Variants in TM2D3 observed in about 807,000 individuals in gnomAD.
The protein encoded by TM2D3 is TM2 domain containing 3.
Under a neutral mutation model 27.3 loss-of-function variants are expected in TM2D3, and 33 were observed. That is an observed-to-expected ratio of 1.21 (90% CI 0.92 to 1.61). The LOEUF (loss-of-function observed/expected upper bound fraction) is 1.61. TM2D3 is among the 40% of genes most tolerant of loss of function. The pLI, the probability that TM2D3 is intolerant of heterozygous loss-of-function variation, is 0.00. For synonymous variants in TM2D3, 138 were observed against 122.2 expected (o/e 1.13, Z -0.85); for missense variants, 364 against 320.8 (o/e 1.13, Z -1.03).
chr15:101,642,637 G>C lies in TM2D3; in HGVS notation c.586C>G (p.Leu196Val), dbSNP rs776067366. The C allele has an allele frequency of 6.3e-7, 1 of 1,598,262 alleles. No homozygotes were observed. The highest frequency in any genetic ancestry group is 8.5e-7 in the Non-Finnish European group (1 of 1,171,234). The change falls in exon 6 of 6, where the codon CTC (leucine) becomes GTC (valine). Residue 196 changes from leucine (L) to valine (V), a missense_variant. Leu to Val is a conservative substitution (Grantham distance 32). Transcript: ENST00000333202. ...WSTALALSIT[L>V]GGFGADRFYL... ...AAACGGTCTGCTCCAAACCCACCGA[G>C]GGTGATGCTGCGATGGCAAACAGAC...
chr15:101,642,780 A>C, intron 5 of TM2D3, 136 bp from the exon 6 acceptor site: 1 of 572,104 alleles, frequency 1.7e-6, no homozygotes, highest in South Asian at 4.0e-5. Context: ...AACACAAGTG[A>C]CTATTTCACA....
chr15:101,645,194 G>A (rs752887554), intron 4 of TM2D3, 32 bp from the exon 5 acceptor site: 5 of 1,534,726 alleles, frequency 3.3e-6, no homozygotes, highest in South Asian at 2.4e-5. Context: ...AAAATACAGG[G>A]TATAAAAAAT....
Position 101,648,376 on chromosome 15 carries a change from A to G in TM2D3, c.328-1477T>C, listed in dbSNP as rs144202254. On this transcript the variant is annotated intron_variant, in intron 3 of 5. Coordinates refer to ENST00000333202, the MANE Select transcript of TM2D3 (RefSeq NM_078474.3). The stretch of plus-strand genomic sequence containing the variant: ...GAAAACATTCAAATATGGGTAAGGC[A>G]TCACTTGATTTAGGCAAACAGTTGG... 9.1e-3 allele frequency: 1,387 copies of G among 152,402 alleles called. 21 individuals are homozygous for G. Among genetic ancestry groups the G allele is most frequent in the South Asian group, 0.063 (303 of 4,834 alleles). The allele number at this position is 152,402 out of a possible 1,614,324, so 9.4% of individuals were successfully genotyped here.
chr15:101,641,347 C>T (rs1223921710), downstream of TM2D3, among the ~76,000 whole-genome samples: 3 of 152,058 alleles, frequency 2.0e-5, no homozygotes, highest in African/African-American at 7.2e-5. Context: ...AATGGGGATG[C>T]GCCACCTAGC....
At chr15:101,636,067 G>A (rs1896544423) in intron 4 of TM2D3, 1 of 151,966 alleles carries the variant, frequency 6.6e-6, no homozygotes, top group South Asian at 2.1e-4. Flanking sequence ...TGTTTTTGAG[G>A]TTTATTCACC....
chr15:101,646,947 G>T (rs373292971), intron 3 of TM2D3, 48 bp from the exon 4 acceptor site: 1 of 1,601,726 alleles, frequency 6.2e-7, no homozygotes, highest in Admixed American at 1.7e-5. Context: ...GGTGTAGTCT[G>T]TTAAGATGTC....
At position 101,651,983 on chromosome 15, in the gene TM2D3, A is replaced by AAC. The variant is rs1350048003; in HGVS notation, c.92-211_92-210insGT. 3 of 599,908 alleles carry AAC rather than the reference A, an allele frequency of 5.0e-6. No homozygotes were observed. The African/African-American group carries it at 5.7e-5, about 11-fold the overall frequency. 37.2% of individuals were successfully genotyped at this position (599,908 alleles called of 1,614,324 possible). Reference sequence around the variant, plus strand: ...TCAGCCGGCAACGAGGGACCGAAGGATGACATCGCGCTCCAGTTCCGCCTC... The same window carrying AAC: ...TCAGCCGGCAACGAGGGACCGAAGGAACTGACATCGCGCTCCAGTTCCGCCTC... On this transcript the variant is annotated intron_variant, in intron 1 of 5. Coordinates refer to ENST00000333202, the MANE Select transcript of TM2D3 (RefSeq NM_078474.3).
At chr15:101,635,774 GAAGA>G (rs1896538876) in intron 4 of TM2D3, 1 of 152,208 alleles carries the variant, frequency 6.6e-6, no homozygotes, top group Non-Finnish European at 1.5e-5. Context: ...TTCGCTGAAT[GAAGA>G]AATACGCTTA....
intron 3 of TM2D3, 43 bp downstream of exon 3, chr15:101,649,961 T>C (rs1349095319): frequency 1.9e-6 from 3 of 1,571,032 alleles, no homozygotes; most frequent in South Asian, 2.3e-5. Context: ...TAACTTAAAG[T>C]TTACAATGAA....
chr15:101,652,162 C>A (rs1159347770), intron 1 of TM2D3, 109 bp downstream of exon 1: 4 of 1,064,124 alleles, frequency 3.8e-6, no homozygotes, highest in Non-Finnish European at 5.5e-6. Flanking sequence ...GCCCGGCACT[C>A]GGCCTCCTCC....
chr15:101,641,905 A>C lies in TM2D3; in HGVS notation c.*574T>G. ...TACTCTTACCTTTTATATACTACTA[A>C]GAAAATTTAAACCATAACTAGACAT... On this transcript the variant is annotated 3_prime_UTR_variant, in exon 6 of 6. Coordinates refer to ENST00000333202, the MANE Select transcript of TM2D3 (RefSeq NM_078474.3). 1 of 980,278 alleles carries C rather than the reference A, an allele frequency of 1.0e-6. No homozygotes were observed. The highest frequency in any genetic ancestry group is 1.7e-5 in the African/African-American group (1 of 57,250). The allele number at this position is 980,278 out of a possible 1,614,324, so 60.7% of individuals were successfully genotyped here.
At chr15:101,640,619 T>C (rs1441285588), downstream of TM2D3, among the ~76,000 whole-genome samples, 3 of 152,226 alleles carry the variant, frequency 2.0e-5, no homozygotes, top group Admixed American at 6.5e-5. Flanking sequence ...TTTGAAAGTA[T>C]AGTTTTACTT....
At chr15:101,641,726 C>T (rs1385967994), downstream of TM2D3, 3 of 258,032 alleles carry the variant, frequency 1.2e-5, no homozygotes, top group African/African-American at 2.3e-5. Context: ...ATAAACCAGC[C>T]AATTATGACT....
chr15:101,638,326 C>A (rs1896593985), downstream of TM2D3, among the ~76,000 whole-genome samples: 1 of 151,392 alleles, frequency 6.6e-6, no homozygotes, highest in Admixed American at 6.6e-5. Context: ...CAGAGTTTCG[C>A]TCTTGTTGCC....
chr15:101,634,342 G>A (rs1015221027), intron 4 of TM2D3: 7 of 152,416 alleles, frequency 4.6e-5, no homozygotes, highest in Admixed American at 2.6e-4. Context: ...GCTGAGGCAG[G>A]AGAATTGCTT....
At chr15:101,633,522 A>G in exon 5 of TM2D3, 1 of 538,214 alleles carries the variant, frequency 1.9e-6, no homozygotes, top group African/African-American at 1.9e-5. Flanking sequence ...AGATTTTGCA[A>G]TGTGTTCCTG....
chr15:101,644,527 AGT>A, intron 5 of TM2D3, among the ~76,000 whole-genome samples: 1 of 152,340 alleles, frequency 6.6e-6, no homozygotes, highest in Non-Finnish European at 1.5e-5. Context: ...CAAAACTTCA[AGT>A]GTAGGCAGCG....
At chr15:101,643,622 A>AAG (rs1896727294) in intron 5 of TM2D3, among the ~76,000 whole-genome samples, 1 of 111,808 alleles carries the variant, frequency 8.9e-6, no homozygotes, top group Non-Finnish European at 1.9e-5. Context: ...AAAAAAAAAA[A>AAG]GCAAAAAAAA....
At chr15:101,651,568 A>C in intron 2 of TM2D3, 128 bp downstream of exon 2, 1 of 934,602 alleles carries the variant, frequency 1.1e-6, no homozygotes, top group Non-Finnish European at 1.7e-6. Flanking sequence ...TAATTCACAT[A>C]ATCTAAAATA....
Sources: gnomAD v4.1 joint callset for allele counts (sites outside exome capture counted in the v4.1 genomes callset) on GRCh38, gnomAD v4.1.1 for gene constraint, MANE v1.5 for transcripts, NCBI Gene and HGNC (gene_info 2026-07-23, HGNC 2026-07-21) for gene names.